The following TMEM8B variants were observed in gnomAD, a reference collection of about 807,000 sequenced individuals.
The protein encoded by TMEM8B is transmembrane protein 8B, also known as nasopharyngeal carcinoma expressed 6.
Under a neutral mutation model 49.3 loss-of-function variants are expected in TMEM8B, and 29 were observed. The ratio of observed to expected loss-of-function variants is 0.59; its 90% CI spans 0.44 to 0.80. TMEM8B has a LOEUF of 0.80. Among genes scored for constraint, TMEM8B ranks in the 30% least tolerant of loss-of-function variants. TMEM8B has a pLI of 0.00. For missense variants in TMEM8B, 575 were observed against 658.5 expected (o/e 0.87, Z 1.39); for synonymous variants, 264 against 272.8 (o/e 0.97, Z 0.32).
Position 35,841,011 on chromosome 9 carries a change from AGGCCTGG to A in TMEM8B, c.907-121_907-115del. 1 of 410,430 alleles carries A rather than the reference AGGCCTGG, an allele frequency of 2.4e-6. No homozygotes were observed. The highest frequency in any genetic ancestry group is 4.4e-6 in the Non-Finnish European group (1 of 225,720). 25.4% of individuals were successfully genotyped at this position (410,430 alleles called of 1,614,324 possible). On this transcript the variant is annotated intron_variant, in intron 3 of 12. Transcript: ENST00000643932. This position sits in a 1 kb window ranked among gnomAD's most constrained non-coding sequence, Gnocchi z 5.9. Reference sequence around the variant, plus strand: ...TGGAATTTAGAGAGACCTGGGTTAGAGGCCTGGGAGTGGTGGCCGGGGCGGGGGTTTC... The same window carrying A: ...TGGAATTTAGAGAGACCTGGGTTAGAGAGTGGTGGCCGGGGCGGGGGTTTC...
rs538463992 is a variant in TMEM8B, at chr9:35,863,233, G to T, written c.*9393G>T. 1 of 152,112 alleles carries T rather than the reference G, an allele frequency of 6.6e-6. No homozygotes were observed. The highest frequency in any genetic ancestry group is 2.4e-5 in the African/African-American group (1 of 41,388). The allele number at this position is 152,112 out of a possible 1,614,324, so 9.4% of individuals were successfully genotyped here. On this transcript the variant is annotated 3_prime_UTR_variant, in exon 13 of 13. Transcript: ENST00000643932. ...CCCTTCCCCCTCCAACACATACACCGCAACAGAATGATACAGCTATTGTGA... is the reference window on the plus strand; with the variant it reads ...CCCTTCCCCCTCCAACACATACACCTCAACAGAATGATACAGCTATTGTGA...
At chr9:35,836,343 C>T (rs757533725) in intron 3 of TMEM8B, among the ~76,000 whole-genome samples, 2 of 152,256 alleles carry the variant, frequency 1.3e-5, no homozygotes, top group Admixed American at 6.5e-5. Flanking sequence ...TAGGCCTTGA[C>T]TCTCATCAGA....
At position 35,854,100 on chromosome 9, in the gene TMEM8B, G is replaced by T; in HGVS notation, c.*260G>T. 1 of 1,111,052 alleles carries T rather than the reference G, an allele frequency of 9.0e-7. No individual in the cohort carries two copies. Among genetic ancestry groups the T allele is most frequent in the Non-Finnish European group, 1.1e-6 (1 of 880,810 alleles). 68.8% of individuals were successfully genotyped at this position (1,111,052 alleles called of 1,614,324 possible). ...GCACAGAGTCCCTCAGGACCAAGGA[G>T]TCCCTCCTGCAGGTGTGGAGCCTTT... On this transcript the variant is annotated 3_prime_UTR_variant, in exon 13 of 13. Coordinates refer to ENST00000643932, the MANE Select transcript of TMEM8B (RefSeq NM_001042590.4).
At chr9:35,831,253 G>A (rs773255583) in intron 1 of TMEM8B, among the ~76,000 whole-genome samples, 1 of 152,100 alleles carries the variant, frequency 6.6e-6, no homozygotes, top group Admixed American at 6.5e-5. Flanking sequence ...TGTGTGGGGT[G>A]CATGTGAGCC....
chr9:35,853,461 C>T lies in TMEM8B; in HGVS notation c.2440-44C>T. The T allele has an allele frequency of 6.3e-7, 1 of 1,580,510 alleles. No individual in the cohort carries two copies. The highest frequency in any genetic ancestry group is 8.6e-7 in the Non-Finnish European group (1 of 1,165,374). Reference sequence around the variant, plus strand: ...AGAGTGACCAGCTCTGGCTTGGGTTCCAGGGCTTGGCATTCCTGAGCCCCA... The same window carrying T: ...AGAGTGACCAGCTCTGGCTTGGGTTTCAGGGCTTGGCATTCCTGAGCCCCA... On this transcript the variant is annotated intron_variant, in intron 12 of 12. Coordinates refer to ENST00000643932, the MANE Select transcript of TMEM8B (RefSeq NM_001042590.4). The surrounding 1 kb of genome is among the most constrained non-coding windows in gnomAD (Gnocchi z 4.2).
At chr9:35,850,959 A>G (rs76099930) in intron 10 of TMEM8B, among the ~76,000 whole-genome samples, 4,536 of 152,260 alleles carry the variant, frequency 0.03, 198 homozygotes, top group African/African-American at 0.099. Context: ...CTTGGAGGCA[A>G]AGAATAATCA....
intron 3 of TMEM8B, among the ~76,000 whole-genome samples, chr9:35,840,932 C>T (rs1351881645): frequency 6.6e-6 from 1 of 152,122 alleles, no homozygotes; most frequent in East Asian, 1.9e-4. Context: ...GCAGACCTTG[C>T]AGACTGAGGT....
chr9:35,846,778 C>A, intron 9 of TMEM8B, 39 bp from the exon 10 acceptor site: 1 of 1,587,540 alleles, frequency 6.3e-7, no homozygotes, highest in African/African-American at 1.3e-5. Context: ...CCATAGCTGC[C>A]GTCTGTTCTC....
At chr9:35,843,039 A>T (rs1343602716) in intron 6 of TMEM8B, among the ~76,000 whole-genome samples, 2 of 152,166 alleles carry the variant, frequency 1.3e-5, no homozygotes, top group African/African-American at 4.8e-5. Flanking sequence ...TGGGGAGTTT[A>T]CCACCTCTTG....
rs1159378954 is a variant in TMEM8B, at chr9:35,839,800, A to G, written c.907-1334A>G. On this transcript the variant is annotated intron_variant, in intron 3 of 12. Coordinates refer to ENST00000643932, the MANE Select transcript of TMEM8B (RefSeq NM_001042590.4). ...TTCGGGTTTGACACCAAACCTGAGC[A>G]TCTAGGTTGGTTCAGGAGCTCTCTG... is the stretch of plus-strand genomic sequence containing the variant. 2.1e-4 allele frequency among the ~76,000 whole-genome samples: 32 copies of G among 152,166 alleles called. 1 individual carries two copies.
rs576981934 is a variant in TMEM8B at position 35,848,448 on chromosome 9, C to G, written c.2175+1453C>G. Among the ~76,000 whole-genome samples the G allele has an allele frequency of 4.1e-4, 63 of 152,286 alleles. 3 individuals are homozygous for G. In the South Asian group the frequency reaches 0.012, roughly 30 times the overall value. On this transcript the variant is annotated intron_variant, in intron 10 of 12. Transcript: ENST00000643932. The stretch of plus-strand genomic sequence containing the variant: ...ATGTGATTCATAATTAGTAAGAATA[C>G]CTAAGTGTGTCAGGAGCCTGAAGCA...
Position 35,853,114 on chromosome 9 carries a change from G to T in TMEM8B, c.2323-27G>T, listed in dbSNP as rs755905913. ...GAGTGCTGTCTGTCACCTGGCCCTA[G>T]CCCAGCCCTTGAGTCTCTTTCTCTA... is the stretch of plus-strand genomic sequence containing the variant. On this transcript the variant is annotated intron_variant, in intron 11 of 12. Coordinates refer to ENST00000643932, the MANE Select transcript of TMEM8B (RefSeq NM_001042590.4). This position sits in a 1 kb window ranked among gnomAD's most constrained non-coding sequence, Gnocchi z 4.2. 5.0e-6 allele frequency: 8 copies of T among 1,611,514 alleles called. No homozygotes were observed. The highest frequency in any genetic ancestry group is 1.7e-5 in the Admixed American group (1 of 60,000).
chr9:35,854,021 G>T lies in TMEM8B; in HGVS notation c.*181G>T. On this transcript the variant is annotated 3_prime_UTR_variant, in exon 13 of 13. Coordinates refer to ENST00000643932, the MANE Select transcript of TMEM8B (RefSeq NM_001042590.4). ...CCAGGACATGGAGAACTTCCTGAGG[G>T]CCTGGAGTCCCCCTGCATCATGGAG... 4 of 1,334,096 alleles carry T rather than the reference G, an allele frequency of 3.0e-6. No homozygotes were observed. Among genetic ancestry groups the T allele is most frequent in the Non-Finnish European group, 3.8e-6 (4 of 1,048,202 alleles). 82.6% of individuals were successfully genotyped at this position (1,334,096 alleles called of 1,614,324 possible).
Position 35,855,917 on chromosome 9 carries a change from A to G in TMEM8B, c.*2077A>G, listed in dbSNP as rs1037916681. On this transcript the variant is annotated 3_prime_UTR_variant, in exon 13 of 13. Transcript: ENST00000643932. ...TCCCATTTTAGAAAATACTGTTCCT[A>G]CATCAGAAATACCACATTAAGACGT... 4 of 152,200 alleles carry G rather than the reference A, an allele frequency of 2.6e-5. No homozygotes were observed. Among genetic ancestry groups the G allele is most frequent in the African/African-American group, 9.7e-5 (4 of 41,436 alleles). The allele number at this position is 152,200 out of a possible 1,614,324, so 9.4% of individuals were successfully genotyped here.
In TMEM8B at chr9:35,862,070, A is replaced by T. The variant is rs1832663238; in HGVS notation, c.*8230A>T. 1 of 152,234 alleles carries T rather than the reference A, an allele frequency of 6.6e-6. No individual in the cohort carries two copies. Among genetic ancestry groups the T allele is most frequent in the Admixed American group, 6.5e-5 (1 of 15,284 alleles). The allele number at this position is 152,234 out of a possible 1,614,324, so 9.4% of individuals were successfully genotyped here. ...TGGTGATGTTTGGCAAAAAGTAAAGAATTCCCCAAGTGTGAAGCCTCATTC... is the reference window on the plus strand; with the variant it reads ...TGGTGATGTTTGGCAAAAAGTAAAGTATTCCCCAAGTGTGAAGCCTCATTC... On this transcript the variant is annotated 3_prime_UTR_variant, in exon 13 of 13. Coordinates refer to ENST00000643932, the MANE Select transcript of TMEM8B (RefSeq NM_001042590.4).
rs1473936637 is a variant in TMEM8B, at chr9:35,861,204, T to C, written c.*7364T>C. The stretch of plus-strand genomic sequence containing the variant: ...CTGTCCTTCCGGGCTAGATTTCTTC[T>C]TTCTCTTATTCCTCCTGTTTCGTTG... On this transcript the variant is annotated 3_prime_UTR_variant, in exon 13 of 13. Transcript: ENST00000643932. The C allele has an allele frequency of 6.6e-6, 1 of 152,322 alleles. No homozygotes were observed. The highest frequency in any genetic ancestry group is 6.5e-5 in the Admixed American group (1 of 15,282). 9.4% of individuals were successfully genotyped at this position (152,322 alleles called of 1,614,324 possible). A position where few individuals can be genotyped will look rare whatever the true frequency, so the allele number is the denominator to read the frequency against.
chr9:35,839,325 C>T (rs1166221748), intron 3 of TMEM8B, among the ~76,000 whole-genome samples: 3 of 152,234 alleles, frequency 2.0e-5, no homozygotes, highest in Non-Finnish European at 4.4e-5. Context: ...TGGGCCTCCC[C>T]GACTGCTGAT....
In TMEM8B at chr9:35,846,368, G is replaced by A. The variant is rs778667409; in HGVS notation, c.1840G>A (p.Gly614Arg). ...TWFLALRSLC[G>R]VGPRFVRCRN... is the part of the protein sequence containing the mutation. Reference sequence around the variant, plus strand: ...GTTCCTGGCCCTCCGCTCCCTGTGCGGGGTGGGGCCTCGGTGAGCGGTGCG... The same window carrying A: ...GTTCCTGGCCCTCCGCTCCCTGTGCAGGGTGGGGCCTCGGTGAGCGGTGCG... Residue 614 changes from glycine (G) to arginine (R), a missense_variant, in exon 8 of 13, where the codon GGG becomes AGG. Coordinates refer to ENST00000643932, the MANE Select transcript of TMEM8B (RefSeq NM_001042590.4). 1.9e-6 allele frequency: 3 copies of A among 1,613,316 alleles called. No homozygotes were observed. The highest frequency in any genetic ancestry group is 3.3e-5 in the Admixed American group (2 of 60,010).
At chr9:35,845,649 C>A in intron 6 of TMEM8B, 1 of 985,422 alleles carries the variant, frequency 1.0e-6, no homozygotes, top group Non-Finnish European at 1.2e-6. Context: ...AACAGCCCTC[C>A]TTCTCCTTAA....
Sources: gnomAD v4.1 joint callset for allele counts (sites outside exome capture counted in the v4.1 genomes callset) on GRCh38, gnomAD v4.1.1 for gene constraint, Gnocchi (gnomAD v3.1) non-coding constraint, MANE v1.5 for transcripts, NCBI Gene and HGNC (gene_info 2026-07-23, HGNC 2026-07-21) for gene names.